The following PHF2 variants were observed in gnomAD, a reference collection of about 807,000 sequenced individuals.
PHF2 encodes lysine-specific demethylase PHF2.
A neutral mutation model predicts 120.5 loss-of-function variants in PHF2; 27 were observed. The ratio of observed to expected loss-of-function variants is 0.22; its 90% CI spans 0.17 to 0.31. PHF2 has a LOEUF of 0.31. PHF2 is among the 10% of genes least tolerant of loss of function. The pLI is 1.00. For missense variants in PHF2, 1,024 were observed against 1,434.8 expected, an observed-to-expected ratio of 0.71 and a Z score of 4.63; for synonymous variants, 568 against 592.5, an observed-to-expected ratio of 0.96 and a Z score of 0.60.
In PHF2 at chr9:93,647,830, A is replaced by C. The variant is rs772695785; in HGVS notation, c.461-1241A>C. Among the ~76,000 whole-genome samples, 6 of 152,140 alleles carry C rather than the reference A, an allele frequency of 3.9e-5. No individual in the cohort carries two copies. In the South Asian group the frequency reaches 1.2e-3, roughly 31 times the overall value. On this transcript the variant is annotated intron_variant, in intron 4 of 21. Transcript: ENST00000359246. ...CCTGAATCCAGGAGGTGGAGGTTGC[A>C]GTGAGCCAAGATCGTGCCACTGCAC... is the stretch of plus-strand genomic sequence containing the variant.
intron 17 of PHF2, among the ~76,000 whole-genome samples, chr9:93,667,520 T>A (rs185104287): frequency 2.8e-4 from 42 of 152,322 alleles, no homozygotes; most frequent in Middle Eastern, 3.4e-3. Context: ...TTTTTTCACG[T>A]GGAAATCTTT....
At chr9:93,593,105 A>AAAAAAAAAAAAAAAAAGG (rs1554790887) in intron 1 of PHF2, among the ~76,000 whole-genome samples, 18 of 122,712 alleles carry the variant, frequency 1.5e-4, no homozygotes, top group African/African-American at 2.3e-4. Flanking sequence ...AAAAAAAAAA[A>AAAAAAAAAAAAAAAAAGG]AAAAAAGAAA....
chr9:93,587,256 AGAGCCCTGGGTGAGGGATGACGGAG>A (rs1564371827), intron 1 of PHF2, among the ~76,000 whole-genome samples: 2 of 100,782 alleles, frequency 2.0e-5, no homozygotes, highest in Non-Finnish European at 2.0e-5. Context: ...GGATGATGGA[AGAGCCCTGGGTGAGGGATGACGGAG>A]GAGCCCTGGG....
intron 1 of PHF2, among the ~76,000 whole-genome samples, chr9:93,610,542 T>A (rs1425256764): frequency 6.6e-6 from 1 of 152,228 alleles, no homozygotes; most frequent in Admixed American, 6.5e-5. Context: ...AAATTTGTGA[T>A]CTGATCATTG....
Position 93,659,495 on chromosome 9 carries a change from T to C in PHF2, c.1240-16T>C, listed in dbSNP as rs1266055230. 17 of 1,610,936 alleles carry C rather than the reference T, an allele frequency of 1.1e-5. No homozygotes were observed. The highest frequency in any genetic ancestry group is 1.4e-5 in the Non-Finnish European group (17 of 1,177,468). ...GGAGGTGTCTGGTGCTGACCCTGGG[T>C]CCGGTTGTCCTGCAGGCTTTGGCAG... On this transcript the variant is annotated splice_polypyrimidine_tract_variant and intron_variant, in intron 10 of 21. Transcript: ENST00000359246.
chr9:93,630,014 A>T lies in PHF2; in HGVS notation c.143A>T (p.Tyr48Phe). ...GAGGAGGCGCCCGACATCGACATAT[A>T]CCACTGCCCAAACTGTGAGAAAACC... ...EEEEAPDIDI[Y>F]HCPNCEKTHG... Residue 48 changes from tyrosine (Y) to phenylalanine (F), a missense_variant, in exon 2 of 22, where the codon TAC becomes TTC. This residue lies in a region of PHF2 where 347 missense variants were observed against 577.4 expected (regional missense o/e 0.60). Coordinates refer to ENST00000359246, the MANE Select transcript of PHF2 (RefSeq NM_005392.4). 1 of 1,613,794 alleles carries T rather than the reference A, an allele frequency of 6.2e-7. No homozygotes were observed. The highest frequency in any genetic ancestry group is 8.5e-7 in the Non-Finnish European group (1 of 1,180,014).
chr9:93,631,583 A>T (rs529954789), intron 2 of PHF2, among the ~76,000 whole-genome samples: 17 of 152,338 alleles, frequency 1.1e-4, no homozygotes, highest in Non-Finnish European at 1.8e-4. Flanking sequence ...CCAGCGGGGC[A>T]TCCTCATGCT....
intron 20 of PHF2, 132 bp from the exon 21 acceptor site, chr9:93,676,461 GT>G: frequency 9.1e-7 from 1 of 1,094,034 alleles, no homozygotes; most frequent in South Asian, 1.7e-5. Context: ...GCGGCCCAGA[GT>G]CAGGCCTCAG....
At chr9:93,666,274 T>A (rs938650654) in intron 16 of PHF2, among the ~76,000 whole-genome samples, 1 of 151,930 alleles carries the variant, frequency 6.6e-6, no homozygotes, top group Non-Finnish European at 1.5e-5. Flanking sequence ...GTGCGAGGGG[T>A]GTGTCCCCAC....
intron 17 of PHF2, among the ~76,000 whole-genome samples, chr9:93,669,990 G>A (rs1285766502): frequency 6.6e-6 from 1 of 152,248 alleles, no homozygotes; most frequent in African/African-American, 2.4e-5. Flanking sequence ...TCTCTGGCAA[G>A]GGGTTCTGGG....
Position 93,677,751 on chromosome 9 carries a change from G to T in PHF2, c.*75G>T. ...CGCGAAAACATCTGCCTCCCAGGAG[G>T]GTGCCGAGCTGCCTCACCAGGGAGG... On this transcript the variant is annotated 3_prime_UTR_variant, in exon 22 of 22. Transcript: ENST00000359246. The surrounding 1 kb of genome is among the most constrained non-coding windows in gnomAD (Gnocchi z 4.4). The T allele has an allele frequency of 8.8e-7, 1 of 1,133,480 alleles. No homozygotes were observed. 70.2% of individuals were successfully genotyped at this position (1,133,480 alleles called of 1,614,324 possible).
At chr9:93,674,498 T>C (rs1321626422) in intron 18 of PHF2, among the ~76,000 whole-genome samples, 2 of 152,190 alleles carry the variant, frequency 1.3e-5, no homozygotes, top group Non-Finnish European at 2.9e-5. Context: ...GGAACTGAGA[T>C]GCCCTAGTTT....
chr9:93,676,682 C>T lies in PHF2; in HGVS notation c.2921C>T (p.Ala974Val), dbSNP rs1299378414. 3 of 1,577,928 alleles carry T rather than the reference C, an allele frequency of 1.9e-6. No individual in the cohort carries two copies. Among genetic ancestry groups the T allele is most frequent in the South Asian group, 2.3e-5 (2 of 86,950 alleles). ...TSPSTSTSIS[A>V]GTTSTSTTPA... ...CCTTCCACCTCCACCTCCATCTCTG[C>T]CGGCACCACCTCCACCTCCACCACG... The change falls in exon 21 of 22, where the codon GCC (alanine) becomes GTC (valine). Residue 974 changes from alanine (A) to valine (V), a missense_variant. Around this residue, in one of 2 missense-constraint regions of PHF2, gnomAD observed 677 missense variants for 857.4 expected, o/e 0.79. Coordinates refer to ENST00000359246, the MANE Select transcript of PHF2 (RefSeq NM_005392.4).
At chr9:93,637,050 G>T (rs1826105461) in intron 3 of PHF2, among the ~76,000 whole-genome samples, 1 of 152,270 alleles carries the variant, frequency 6.6e-6, no homozygotes, top group African/African-American at 2.4e-5. Context: ...GCACCTCTGA[G>T]CTGCCCTGCA....
chr9:93,628,133 A>G (rs1042719136), intron 1 of PHF2, among the ~76,000 whole-genome samples: 17 of 152,120 alleles, frequency 1.1e-4, no homozygotes, highest in Admixed American at 8.5e-4. Flanking sequence ...CGTCCCCTTA[A>G]TATGCTCCTA....
Position 93,576,755 on chromosome 9 carries a change from GGCGGC to G in PHF2, c.-8_-4del. On this transcript the variant is annotated 5_prime_UTR_variant, in exon 1 of 22. Transcript: ENST00000359246. ...GGGCAGCGCAGCGGCGGGGCCGAGC[GGCGGC>G]GCGGCGCGGCAACATGGCGACGGTG... 1.7e-6 allele frequency: 2 copies of G among 1,170,312 alleles called. No individual in the cohort carries two copies. Among genetic ancestry groups the G allele is most frequent in the Non-Finnish European group, 2.2e-6 (2 of 916,866 alleles). 72.5% of individuals were successfully genotyped at this position (1,170,312 alleles called of 1,614,324 possible). A position where few individuals can be genotyped will look rare whatever the true frequency, so the allele number is the denominator to read the frequency against.
At chr9:93,655,122 A>G (rs922205016) in intron 7 of PHF2, among the ~76,000 whole-genome samples, 3 of 152,258 alleles carry the variant, frequency 2.0e-5, no homozygotes, top group Admixed American at 1.3e-4. Flanking sequence ...GTTTCATTAA[A>G]TATTCCACTA....
rs982291136 is a variant in PHF2, at chr9:93,660,231, G to A, written c.1369G>A (p.Ala457Thr). ...KAVRPEVNTV[A>T]SSDEVCDGDR... ...CGTCCGACCGGAAGTGAATACTGTCGCCTCGTCAGATGAGGTGTGTGACGG... is the reference window on the plus strand; with the variant it reads ...CGTCCGACCGGAAGTGAATACTGTCACCTCGTCAGATGAGGTGTGTGACGG... Residue 457 changes from alanine (A) to threonine (T), a missense_variant, in exon 12 of 22, where the codon GCC (alanine) becomes ACC (threonine). Coordinates refer to ENST00000359246, the MANE Select transcript of PHF2 (RefSeq NM_005392.4). 23 of 1,593,298 alleles carry A rather than the reference G, an allele frequency of 1.4e-5. No individual in the cohort carries two copies. The East Asian group carries it at 1.6e-4, about 11-fold the overall frequency.
intron 1 of PHF2, among the ~76,000 whole-genome samples, chr9:93,612,272 G>GTGTCT (rs1825649370): frequency 6.6e-6 from 1 of 152,180 alleles, no homozygotes; most frequent in Non-Finnish European, 1.5e-5. Flanking sequence ...ACATGTAACA[G>GTGTCT]GTGTCTGTGT....
Sources: gnomAD v4.1 joint callset for allele counts (sites outside exome capture counted in the v4.1 genomes callset) on GRCh38, gnomAD v4.1.1 for gene constraint, gnomAD v4.1.1 regional missense constraint, Gnocchi (gnomAD v3.1) non-coding constraint, MANE v1.5 for transcripts, NCBI Gene and HGNC (gene_info 2026-07-23, HGNC 2026-07-21) for gene names.